Variants in NAGA observed in about 807,000 individuals in gnomAD.
NAGA encodes Acetylgalactosaminidase, alpha-N- (alpha-galactosidase B).
NAGA carries 42 observed loss-of-function variants against 45.6 expected under a neutral mutation model. The observed-to-expected ratio is 0.92, with a 90% CI of 0.72 to 1.19. The LOEUF (loss-of-function observed/expected upper bound fraction) is 1.19, where lower values mean the gene tolerates loss of function less well. Among genes scored for constraint, NAGA ranks in the 50% most tolerant of loss-of-function variants. The probability of loss-of-function intolerance (pLI) is 0.00; values close to 1 mark genes in which losing one functional copy is unlikely to be tolerated. For missense variants in NAGA, 493 were observed against 544.8 expected (o/e 0.90, Z 0.95); for synonymous variants, 176 against 203.1 (o/e 0.87, Z 1.13).
rs763977203 is a variant in NAGA at position 42,067,784 on chromosome 22, A to G, written c.305T>C (p.Ile102Thr). The stretch of plus-strand genomic sequence containing the variant: ...GCTCACGTAGTCAGCCAGGAAAGGA[A>G]TGCCATGAGGGAAGCGCTTGGGATC... ...MPDPKRFPHG[I>T]PFLADYVHSL... Residue 102 changes from isoleucine to threonine, a missense_variant, in exon 3 of 9, where the codon ATT becomes ACT. By Grantham distance (89) the Ile-to-Thr change is moderately conservative. Coordinates refer to ENST00000396398, the MANE Select transcript of NAGA (RefSeq NM_000262.3). 5.0e-6 allele frequency: 8 copies of G among 1,612,466 alleles called. No individual in the cohort carries two copies. Among genetic ancestry groups the G allele is most frequent in the Middle Eastern group, 1.7e-4 (1 of 5,988 alleles).
upstream of NAGA, chr22:42,070,816 T>A: frequency 4.8e-6 from 1 of 209,078 alleles, no homozygotes; most frequent in Non-Finnish European, 1.0e-5. Context: ...ACCTGATAAG[T>A]CCGAAGCGTT....
At chr22:42,062,779 G>C in intron 7 of NAGA, 48 bp downstream of exon 7, 1 of 1,598,076 alleles carries the variant, frequency 6.3e-7, no homozygotes, top group Non-Finnish European at 8.6e-7. Context: ...TCTCTCAGGA[G>C]AACCCAGTTC....
rs1180715821 is a variant in NAGA, at chr22:42,068,557, C to A, written c.34G>T (p.Val12Leu). ...LLKTVLLLGHVAQVLMLDNGL... is the reference protein window; with the variant it reads ...LLKTVLLLGHLAQVLMLDNGL... ...TTGTCCAGCATCAGCACCTGGGCCA[C>A]ATGTCCCAGCAAGAGCACTAGGGGG... The change falls in exon 2 of 9, where the codon GTG (valine) becomes TTG (leucine). Residue 12 changes from valine to leucine, a missense_variant. Physicochemically the swap from Val to Leu is conservative, Grantham distance 32 (BLOSUM62 1). Coordinates refer to ENST00000396398, the MANE Select transcript of NAGA (RefSeq NM_000262.3). 4 of 1,613,998 alleles carry A rather than the reference C, an allele frequency of 2.5e-6. No individual in the cohort carries two copies. The highest frequency in any genetic ancestry group is 2.5e-6 in the Non-Finnish European group (3 of 1,180,032).
At chr22:42,067,721 TG>T in intron 3 of NAGA, 43 bp downstream of exon 3, 1 of 1,547,860 alleles carries the variant, frequency 6.5e-7, no homozygotes, top group South Asian at 1.1e-5. Context: ...GTGAAAGGAG[TG>T]GTCTAGCCCT....
intron 5 of NAGA, 144 bp downstream of exon 5, chr22:42,066,566 C>G: frequency 1.3e-6 from 1 of 773,932 alleles, no homozygotes; most frequent in East Asian, 2.7e-5. Flanking sequence ...ATGTAGGTCT[C>G]TAGACACCTA....
chr22:42,063,739 C>T (rs984696393), intron 6 of NAGA, among the ~76,000 whole-genome samples: 4 of 152,320 alleles, frequency 2.6e-5, no homozygotes, highest in East Asian at 1.9e-4. Context: ...ACGAGTCTGC[C>T]GACACTCCCA....
intron 5 of NAGA, among the ~76,000 whole-genome samples, 164 bp downstream of exon 5, chr22:42,066,546 C>T (rs1926740251): frequency 6.6e-6 from 1 of 152,226 alleles, no homozygotes; most frequent in African/African-American, 2.4e-5. Flanking sequence ...CTGCTCTTTG[C>T]GGCTACTTAA....
chr22:42,063,093 A>C, intron 6 of NAGA, 69 bp from the exon 7 acceptor site: 1 of 1,487,356 alleles, frequency 6.7e-7, no homozygotes, highest in Non-Finnish European at 9.3e-7. Flanking sequence ...ACCATCCCCA[A>C]ACTTGTAGCC....
chr22:42,067,241 A>T lies in NAGA; in HGVS notation c.374T>A (p.Phe125Tyr). 6.2e-7 allele frequency: 1 copy of T among 1,614,092 alleles called. No homozygotes were observed. Among genetic ancestry groups the T allele is most frequent in the Non-Finnish European group, 8.5e-7 (1 of 1,180,008 alleles). ...KLGIYADMGNFTCMGYPGTTL... is the reference protein window; with the variant it reads ...KLGIYADMGNYTCMGYPGTTL... ...GGTGCCTGGGTAACCCATGCAGGTG[A>T]AGTTGCCCATGTCCGCGTAGATACC... is the stretch of plus-strand genomic sequence containing the variant. The change falls in exon 4 of 9, where the codon TTC (phenylalanine) becomes TAC (tyrosine). Residue 125 changes from phenylalanine to tyrosine, a missense_variant. Transcript: ENST00000396398.
chr22:42,066,943 T>A lies in NAGA; in HGVS notation c.503-139A>T, dbSNP rs546036695. 8 of 1,369,852 alleles carry A rather than the reference T, an allele frequency of 5.8e-6. No individual in the cohort carries two copies. The East Asian group carries it at 1.9e-4, about 32-fold the overall frequency. 84.9% of individuals were successfully genotyped at this position (1,369,852 alleles called of 1,614,324 possible). Reference sequence around the variant, plus strand: ...CTCCCCACATACCCAGAGCCTCAAATGCTTCCAGGGTGGGCTATGCTGCCA... The same window carrying A: ...CTCCCCACATACCCAGAGCCTCAAAAGCTTCCAGGGTGGGCTATGCTGCCA... On this transcript the variant is annotated intron_variant, in intron 4 of 8. Coordinates refer to ENST00000396398, the MANE Select transcript of NAGA (RefSeq NM_000262.3).
At chr22:42,069,817 G>T (rs571547765) in intron 1 of NAGA, among the ~76,000 whole-genome samples, 1 of 152,236 alleles carries the variant, frequency 6.6e-6, no homozygotes, top group East Asian at 1.9e-4. Context: ...TTGAAAAATC[G>T]TTAAGTCGGG....
At chr22:42,063,374 C>T (rs971468661) in intron 6 of NAGA, among the ~76,000 whole-genome samples, 3 of 152,056 alleles carry the variant, frequency 2.0e-5, no homozygotes, top group African/African-American at 4.8e-5. Context: ...CCTCTCCCAA[C>T]CTTGCCTAGT....
intron 3 of NAGA, 103 bp downstream of exon 3, chr22:42,067,662 A>G: frequency 9.7e-7 from 1 of 1,031,358 alleles, no homozygotes; most frequent in Non-Finnish European, 1.4e-6. Flanking sequence ...TGTTTCCCCC[A>G]CTAGACTGTG....
In NAGA at chr22:42,066,714, G is replaced by C. The variant is rs774417901; in HGVS notation, c.593C>G (p.Pro198Arg). ...GCAGGGGGCAGAATGGCTTACCCTT[G>C]GGGGGAGGCCGCCTTCATAGGCTGG... ...SWPAYEGGLP[P>R]RVNYSLLADI... Residue 198 changes from proline to arginine, a missense_variant, in exon 5 of 9, where the codon CCA becomes CGA. Pro to Arg is a moderately radical substitution (Grantham distance 103). Coordinates refer to ENST00000396398, the MANE Select transcript of NAGA (RefSeq NM_000262.3). 5 of 1,597,548 alleles carry C rather than the reference G, an allele frequency of 3.1e-6. No individual in the cohort carries two copies. Among genetic ancestry groups the C allele is most frequent in the Non-Finnish European group, 4.3e-6 (5 of 1,172,284 alleles).
rs764615882 is a variant in NAGA, at chr22:42,067,205, T to G, written c.410A>C (p.Lys137Thr). The change falls in exon 4 of 9, where the codon AAG (lysine) becomes ACG (threonine). Residue 137 changes from lysine to threonine, a missense_variant. Transcript: ENST00000396398. ...GAAGGTCTGAGCATCCTGGACCACC[T>G]TGTCCAGTGTGGTGCCTGGGTAACC... ...CMGYPGTTLD[K>T]VVQDAQTFAE... is the part of the protein sequence containing the mutation. The G allele has an allele frequency of 1.2e-6, 2 of 1,614,132 alleles. No individual in the cohort carries two copies. The highest frequency in any genetic ancestry group is 2.2e-5 in the South Asian group (2 of 91,088).
In NAGA at chr22:42,068,613, G is replaced by T. The variant is rs370558596; in HGVS notation, c.17-39C>A. 3.4e-4 allele frequency: 554 copies of T among 1,611,932 alleles called. No individual in the cohort carries two copies. The African/African-American group carries it at 6.7e-3, about 20-fold the overall frequency. The stretch of plus-strand genomic sequence containing the variant: ...GAGGAGGGGATGGTGACTATCAGTT[G>T]CCCCCACAGCTCCAGCCCTCATCCC... On this transcript the variant is annotated intron_variant, in intron 1 of 8. Coordinates refer to ENST00000396398, the MANE Select transcript of NAGA (RefSeq NM_000262.3).
Position 42,065,844 on chromosome 22 carries a change from A to G in NAGA, c.653T>C (p.Ile218Thr). ...GAGCACGCTCCACCAGGAGTCCTGGATGTCATCATAGTTACGCCAGAGGTT... is the reference window on the plus strand; with the variant it reads ...GAGCACGCTCCACCAGGAGTCCTGGGTGTCATCATAGTTACGCCAGAGGTT... ...ICNLWRNYDDIQDSWWSVLSI... is the reference protein window; with the variant it reads ...ICNLWRNYDDTQDSWWSVLSI... Residue 218 changes from isoleucine (I) to threonine (T), a missense_variant, in exon 6 of 9, where the codon ATC becomes ACC. Transcript: ENST00000396398. The G allele has an allele frequency of 6.2e-7, 1 of 1,614,168 alleles. No homozygotes were observed. The highest frequency in any genetic ancestry group is 1.3e-5 in the African/African-American group (1 of 75,032).
intron 1 of NAGA, among the ~76,000 whole-genome samples, chr22:42,069,014 T>C (rs546885391): frequency 6.6e-6 from 1 of 152,132 alleles, no homozygotes; most frequent in East Asian, 1.9e-4. Flanking sequence ...ATCCCAACGC[T>C]CTGGAAGGCC....
At position 42,058,401 on chromosome 22, in the gene NAGA, T is replaced by A. The variant is rs1202057364; in HGVS notation, c.*1878A>T. The A allele has an allele frequency of 6.6e-6, 1 of 152,102 alleles. No individual in the cohort carries two copies. The highest frequency in any genetic ancestry group is 6.5e-5 in the Admixed American group (1 of 15,272). 9.4% of individuals were successfully genotyped at this position (152,102 alleles called of 1,614,324 possible). The stretch of plus-strand genomic sequence containing the variant: ...GGGTACATGGAGGTTCACTCTACCA[T>A]TTTATTTTTGTATTTGAAAGTTTTC... On this transcript the variant is annotated 3_prime_UTR_variant, in exon 9 of 9. Coordinates refer to ENST00000396398, the MANE Select transcript of NAGA (RefSeq NM_000262.3).
Sources: gnomAD v4.1 joint callset for allele counts (sites outside exome capture counted in the v4.1 genomes callset) on GRCh38, gnomAD v4.1.1 for gene constraint, MANE v1.5 for transcripts, NCBI Gene and HGNC (gene_info 2026-07-23, HGNC 2026-07-21) for gene names.